The following RWDD1 variants were observed in gnomAD, a reference collection of about 807,000 sequenced individuals.
RWDD1 encodes the protein RWD domain containing 1, also known as RWD domain-containing protein 1.
A neutral mutation model predicts 31.6 loss-of-function variants in RWDD1; 17 were observed. That is an observed-to-expected ratio of 0.54 (90% CI 0.37 to 0.81). The LOEUF is 0.81. Among genes scored for constraint, RWDD1 ranks in the 30% least tolerant of loss-of-function variants. The pLI is 0.00. For missense variants in RWDD1, 204 were observed against 274.5 expected, an observed-to-expected ratio of 0.74 and a Z score of 1.82; for synonymous variants, 78 against 94.2, an observed-to-expected ratio of 0.83 and a Z score of 0.99.
rs201049875 is a variant in RWDD1, at chr6:116,571,559, C to G, written c.-24C>G. The G allele has an allele frequency of 1.2e-6, 2 of 1,610,762 alleles. No individual in the cohort carries two copies. The highest frequency in any genetic ancestry group is 1.7e-5 in the Admixed American group (1 of 59,572). ...CGCGCCGCCTAGGTGTCTGGGCGAT[C>G]TATGGGCAAGAGCAAGGGCCACGAT... On this transcript the variant is annotated 5_prime_UTR_variant, in exon 1 of 7. The change creates a new upstream start codon in the 5' untranslated region. Transcript: ENST00000466444.
chr6:116,581,860 A>G (rs923449072), intron 2 of RWDD1, among the ~76,000 whole-genome samples: 5 of 152,036 alleles, frequency 3.3e-5, no homozygotes, highest in Admixed American at 2.6e-4. Context: ...TAAGCACAGT[A>G]TCATAATACA....
At chr6:116,572,463 A>G (rs1774756714) in intron 1 of RWDD1, 1 of 152,206 alleles carries the variant, frequency 6.6e-6, no homozygotes, top group Non-Finnish European at 1.5e-5. Flanking sequence ...AGATTGAGAG[A>G]GCAGAAGATT....
rs958572936 is a variant in RWDD1 at position 116,594,394 on chromosome 6, G to C, written c.*1293G>C. 3.9e-5 allele frequency: 6 copies of C among 152,038 alleles called. No homozygotes were observed. Among genetic ancestry groups the C allele is most frequent in the Admixed American group, 1.3e-4 (2 of 15,256 alleles). 9.4% of individuals were successfully genotyped at this position (152,038 alleles called of 1,614,324 possible). A position where few individuals can be genotyped will look rare whatever the true frequency, so the allele number is the denominator to read the frequency against. ...AGAATCATTTGTGGAGTTTCTAAAA[G>C]GTATGCATTCCTAGGCCCCTCTCAA... On this transcript the variant is annotated 3_prime_UTR_variant, in exon 7 of 7. Transcript: ENST00000466444.
At chr6:116,589,049 G>GTT in intron 4 of RWDD1, 64 bp downstream of exon 4, 1 of 1,143,346 alleles carries the variant, frequency 8.7e-7, no homozygotes, top group Non-Finnish European at 1.1e-6. Context: ...GCTTGGTTGG[G>GTT]TTTTTTTTTA....
Position 116,594,922 on chromosome 6 carries a change from A to G in RWDD1, c.*1821A>G, listed in dbSNP as rs1271299315. On this transcript the variant is annotated 3_prime_UTR_variant, in exon 7 of 7. Transcript: ENST00000466444. ...ATAATCAAAAAGCAAATTATTTAAG[A>G]TAAAATTACCATTGAGGAGTTTAAT... 1 of 152,268 alleles carries G rather than the reference A, an allele frequency of 6.6e-6. No individual in the cohort carries two copies. Among genetic ancestry groups the G allele is most frequent in the African/African-American group, 2.4e-5 (1 of 41,462 alleles). The allele number at this position is 152,268 out of a possible 1,614,324, so 9.4% of individuals were successfully genotyped here.
In RWDD1 at chr6:116,589,259, G is replaced by A. The variant is rs1287521662; in HGVS notation, c.414+274G>A. On this transcript the variant is annotated intron_variant, in intron 4 of 6. Transcript: ENST00000466444. ...TTTCACCTATGATATAGAGCCAGGG[G>A]TGTCCAATTTTTTGGCTTCCCTGAG... 4.6e-5 allele frequency among the ~76,000 whole-genome samples: 7 copies of A among 152,212 alleles called. No individual in the cohort carries two copies. The East Asian group carries it at 1.2e-3, about 25-fold the overall frequency.
intron 1 of RWDD1, among the ~76,000 whole-genome samples, chr6:116,577,508 C>T (rs1044001054): frequency 6.6e-6 from 1 of 151,938 alleles, no homozygotes; most frequent in Non-Finnish European, 1.5e-5. Flanking sequence ...TTTCTGATTG[C>T]ATGTTCAACA....
intron 3 of RWDD1, among the ~76,000 whole-genome samples, chr6:116,587,811 C>T (rs1775071498): frequency 6.6e-6 from 1 of 151,912 alleles, no homozygotes; most frequent in African/African-American, 2.4e-5. Flanking sequence ...GTTGGTACTC[C>T]AGGCTAGGCT....
chr6:116,597,189 AGTG>A lies in RWDD1; in HGVS notation c.*4092_*4094del, dbSNP rs1460944367. ...ATAGCAAGTGAGAAAAAGAGAGACT[AGTG>A]GTGATGTTTTTAAGTAATTGAAGTA... On this transcript the variant is annotated 3_prime_UTR_variant, in exon 7 of 7. Coordinates refer to ENST00000466444, the MANE Select transcript of RWDD1 (RefSeq NM_015952.4). 6.6e-6 allele frequency: 1 copy of A among 152,204 alleles called. No homozygotes were observed. The highest frequency in any genetic ancestry group is 1.9e-4 in the East Asian group (1 of 5,208). The allele number at this position is 152,204 out of a possible 1,614,324, so 9.4% of individuals were successfully genotyped here.
At chr6:116,590,766 A>C in intron 5 of RWDD1, 122 bp from the exon 6 acceptor site, 1 of 1,416,362 alleles carries the variant, frequency 7.1e-7, no homozygotes, top group Middle Eastern at 1.8e-4. Context: ...CTACTGAATA[A>C]ATTCAGAAAT....
chr6:116,571,556 G>A lies in RWDD1; in HGVS notation c.-27G>A. On this transcript the variant is annotated 5_prime_UTR_variant, in exon 1 of 7. Coordinates refer to ENST00000466444, the MANE Select transcript of RWDD1 (RefSeq NM_015952.4). ...CTGCGCGCCGCCTAGGTGTCTGGGC[G>A]ATCTATGGGCAAGAGCAAGGGCCAC... The A allele has an allele frequency of 1.5e-5, 24 of 1,609,454 alleles. No homozygotes were observed. Among genetic ancestry groups the A allele is most frequent in the Non-Finnish European group, 2.0e-5 (24 of 1,178,254 alleles).
intron 2 of RWDD1, among the ~76,000 whole-genome samples, chr6:116,582,134 A>C (rs1424737774): frequency 1.3e-5 from 2 of 151,952 alleles, no homozygotes; most frequent in African/African-American, 4.8e-5. Context: ...GATACTTAAA[A>C]TATACCAAAA....
chr6:116,589,852 TG>T lies in RWDD1; in HGVS notation c.415-417del, dbSNP rs545395371. On this transcript the variant is annotated intron_variant, in intron 4 of 6. Transcript: ENST00000466444. ...TTTATTCACTATCATGAGAATAGCA[TG>T]GGAAAGACAGGCCACCATGATTCAG... Among the ~76,000 whole-genome samples the T allele has an allele frequency of 3.9e-5, 6 of 152,230 alleles. No individual in the cohort carries two copies. In the South Asian group the frequency reaches 1.2e-3, roughly 32 times the overall value.
Position 116,592,966 on chromosome 6 carries a change from G to A in RWDD1, c.611-14G>A. 1.3e-6 allele frequency: 2 copies of A among 1,565,836 alleles called. No individual in the cohort carries two copies. Among genetic ancestry groups the A allele is most frequent in the South Asian group, 2.4e-5 (2 of 84,018 alleles). On this transcript the variant is annotated splice_polypyrimidine_tract_variant and intron_variant, in intron 6 of 6. Transcript: ENST00000466444. ...TAAAGGAGATTTTTTTTTTTTTTTG[G>A]TTGCCTTTTGCAGCTGGAAACAACG...
At chr6:116,577,721 C>T (rs1316288906) in intron 1 of RWDD1, among the ~76,000 whole-genome samples, 1 of 151,938 alleles carries the variant, frequency 6.6e-6, no homozygotes, top group African/African-American at 2.4e-5. Context: ...CAATAGTGAC[C>T]TAGTTTCATA....
chr6:116,584,074 G>A (rs1159607067), intron 2 of RWDD1, among the ~76,000 whole-genome samples: 1 of 152,194 alleles, frequency 6.6e-6, no homozygotes, highest in Non-Finnish European at 1.5e-5. Context: ...ACTGCCTGGT[G>A]GAATTGAGAA....
intron 4 of RWDD1, 78 bp downstream of exon 4, chr6:116,589,063 A>G (rs1775093102): frequency 8.9e-7 from 1 of 1,117,458 alleles, no homozygotes; most frequent in Non-Finnish European, 1.1e-6. Flanking sequence ...TTTTTTAATC[A>G]ATAGCAGTAT....
intron 1 of RWDD1, among the ~76,000 whole-genome samples, chr6:116,576,568 G>A (rs1422928799): frequency 3.3e-5 from 5 of 152,138 alleles, no homozygotes; most frequent in East Asian, 1.9e-4. Context: ...CCCCAGGTCC[G>A]GTAGTTCACT....
intron 4 of RWDD1, among the ~76,000 whole-genome samples, chr6:116,589,461 A>C (rs1437397942): frequency 6.6e-6 from 1 of 152,198 alleles, no homozygotes; most frequent in Non-Finnish European, 1.5e-5. Context: ...TGGGTTGGAC[A>C]AGCTTGATAT....
Sources: allele counts gnomAD v4.1 joint callset (sites outside exome capture counted in the v4.1 genomes callset), GRCh38; gene constraint gnomAD v4.1.1; transcripts MANE v1.5; gene names NCBI Gene and HGNC (gene_info 2026-07-23, HGNC 2026-07-21).